The following PSME4 variants were observed in gnomAD, a reference collection of about 807,000 sequenced individuals.
The protein encoded by PSME4 is proteasome activator subunit 4.
Under a neutral mutation model 253.9 loss-of-function variants are expected in PSME4, and 89 were observed. The observed-to-expected ratio is 0.35, with a 90% CI of 0.30 to 0.42. PSME4 has a LOEUF of 0.42. PSME4 is among the 10% of genes least tolerant of loss of function. The probability of loss-of-function intolerance (pLI) is 1.00; values close to 1 mark genes in which losing one functional copy is unlikely to be tolerated. For missense variants in PSME4, 2,014 were observed against 2,195.2 expected (o/e 0.92, Z 1.65); for synonymous variants, 851 against 759.2 (o/e 1.12, Z -1.99).
chr2:53,904,859 G>A (rs1399045157), intron 26 of PSME4, among the ~76,000 whole-genome samples: 5 of 151,328 alleles, frequency 3.3e-5, no homozygotes, highest in African/African-American at 7.3e-5. Context: ...ATGGTGGTGC[G>A]TGCCTGTAGT....
chr2:53,969,085 G>A (rs533234690), intron 1 of PSME4, among the ~76,000 whole-genome samples: 8 of 152,174 alleles, frequency 5.3e-5, no homozygotes, highest in Non-Finnish European at 7.3e-5. Context: ...CTGTGCCTGA[G>A]CAACACAAAA....
chr2:53,958,004 A>T (rs805335), intron 1 of PSME4, among the ~76,000 whole-genome samples: 1 of 151,630 alleles, frequency 6.6e-6, no homozygotes, highest in Non-Finnish European at 1.5e-5. Context: ...TGACCAACAC[A>T]GAGAAACCCT....
intron 41 of PSME4, among the ~76,000 whole-genome samples, chr2:53,883,742 ACTT>A (rs1180786955): frequency 1.4e-5 from 2 of 141,694 alleles, no homozygotes; most frequent in Non-Finnish European, 3.1e-5. Flanking sequence ...CAATTCTTAT[ACTT>A]CTTTTTTTTT....
At chr2:53,912,089 T>C (rs961848076) in intron 20 of PSME4, among the ~76,000 whole-genome samples, 12 of 152,348 alleles carry the variant, frequency 7.9e-5, no homozygotes, top group African/African-American at 2.9e-4. Flanking sequence ...TGGATTAAAA[T>C]ACAGCTTCCA....
intron 1 of PSME4, among the ~76,000 whole-genome samples, chr2:53,960,841 C>G (rs1183233907): frequency 6.6e-6 from 1 of 152,182 alleles, no homozygotes; most frequent in Admixed American, 6.6e-5. Flanking sequence ...GGCGCGGTGG[C>G]TCATACCTGT....
rs1558413470 is a variant in PSME4, at chr2:53,940,938, TAAATATATATATAC to T, written c.501-952_501-939del. 1.7e-3 allele frequency among the ~76,000 whole-genome samples: 101 copies of T among 59,350 alleles called. 6 individuals are homozygous for T. The highest frequency in any genetic ancestry group is 2.2e-3 in the Non-Finnish European group (78 of 35,266). The allele number at this position is 59,350 out of a possible 152,430, so 38.9% of individuals were successfully genotyped here. ...TTTAAATATATATATAATACATATATAAATATATATATACATATATATATATATATATATATATA... is the reference window on the plus strand; with the variant it reads ...TTTAAATATATATATAATACATATATATATATATATATATATATATATATA... On this transcript the variant is annotated intron_variant, in intron 3 of 46. Coordinates refer to ENST00000404125, the MANE Select transcript of PSME4 (RefSeq NM_014614.3).
chr2:53,949,448 CTTTTTT>C (rs77741355), intron 1 of PSME4, among the ~76,000 whole-genome samples, 165 bp from the exon 2 acceptor site: 9 of 139,392 alleles, frequency 6.5e-5, no homozygotes, highest in African/African-American at 2.1e-4. Flanking sequence ...GGATTATTGT[CTTTTTT>C]TTTTTTTTTT....
intron 6 of PSME4, 34 bp from the exon 7 acceptor site, chr2:53,936,195 T>A: frequency 6.2e-7 from 1 of 1,611,374 alleles, no homozygotes; most frequent in Non-Finnish European, 8.5e-7. Flanking sequence ...AGTTAATATA[T>A]TTGTTGTTAT....
intron 38 of PSME4, chr2:53,888,244 A>C (rs1461387603): frequency 3.3e-6 from 1 of 304,248 alleles, no homozygotes; most frequent in Non-Finnish European, 6.0e-6. Flanking sequence ...TCACTGACTA[A>C]TATTTAAACA....
chr2:53,912,746 A>G (rs1667881554), intron 20 of PSME4, among the ~76,000 whole-genome samples: 1 of 152,208 alleles, frequency 6.6e-6, no homozygotes, highest in Non-Finnish European at 1.5e-5. Flanking sequence ...GATTACAGGC[A>G]TGAGCCATAG....
In PSME4 at chr2:53,925,524, C is replaced by A; in HGVS notation, c.1809+15G>T. 1 of 1,488,592 alleles carries A rather than the reference C, an allele frequency of 6.7e-7. No individual in the cohort carries two copies. The highest frequency in any genetic ancestry group is 9.0e-7 in the Non-Finnish European group (1 of 1,107,042). The allele number at this position is 1,488,592 out of a possible 1,614,324, so 92.2% of individuals were successfully genotyped here. ...TTAAAAGCTGGAAGTTTATTTTTTG[C>A]AGCAATGTTCTTACCATAAATATTT... is the stretch of plus-strand genomic sequence containing the variant. On this transcript the variant is annotated intron_variant, in intron 14 of 46. Transcript: ENST00000404125.
rs767514842 is a variant in PSME4, at chr2:53,928,204, T to C, written c.1416A>G (p.Arg472=). 1 of 1,614,110 alleles carries C rather than the reference T, an allele frequency of 6.2e-7. No homozygotes were observed. The highest frequency in any genetic ancestry group is 8.5e-7 in the Non-Finnish European group (1 of 1,179,970). ...GVARSLVSGG[R]WFPEGPTHML... ...TATGTGTAGGACCTTCAGGAAACCA[T>C]CTGCCTCCTGATACCAAACTGCGGG... The change falls in exon 11 of 47, where the codon AGA becomes AGG. Residue 472 remains arginine (R), a synonymous_variant. Transcript: ENST00000404125.
At chr2:53,934,530 G>A (rs1038011783) in intron 8 of PSME4, 75 bp downstream of exon 8, 34 of 1,451,856 alleles carry the variant, frequency 2.3e-5, no homozygotes, top group African/African-American at 1.8e-4. Context: ...CAACTTCTGC[G>A]ACTATCCACA....
At position 53,893,764 on chromosome 2, in the gene PSME4, A is replaced by T. The variant is rs766727573; in HGVS notation, c.3948T>A (p.Pro1316=). ...EQIIFDHFSD[P]KFVEQLITFL... Reference sequence around the variant, plus strand: ...AAGTAATTAACTGCTCAACAAATTTAGGATCAGAAAAATGATCAAATATAA... The same window carrying T: ...AAGTAATTAACTGCTCAACAAATTTTGGATCAGAAAAATGATCAAATATAA... The change falls in exon 35 of 47, where the codon CCT becomes CCA. Residue 1316 remains proline (P), a synonymous_variant. Coordinates refer to ENST00000404125, the MANE Select transcript of PSME4 (RefSeq NM_014614.3). The T allele has an allele frequency of 1.1e-5, 17 of 1,610,516 alleles. No homozygotes were observed. Among genetic ancestry groups the T allele is most frequent in the Non-Finnish European group, 1.4e-5 (16 of 1,178,150 alleles).
chr2:53,885,387 GCTTTT>G (rs1462618174), intron 41 of PSME4, among the ~76,000 whole-genome samples: 2 of 152,122 alleles, frequency 1.3e-5, no homozygotes, highest in Non-Finnish European at 2.9e-5. Context: ...TTTCTTTGTA[GCTTTT>G]CTTTTAACTG....
chr2:53,876,952 G>A (rs1679161098), intron 41 of PSME4, among the ~76,000 whole-genome samples: 1 of 151,456 alleles, frequency 6.6e-6, no homozygotes, highest in Non-Finnish European at 1.5e-5. Flanking sequence ...CAAACTCCTG[G>A]GCTTGAGCAA....
intron 41 of PSME4, among the ~76,000 whole-genome samples, chr2:53,877,459 A>G (rs1679189603): frequency 6.6e-6 from 1 of 152,118 alleles, no homozygotes. Flanking sequence ...TCTATCAAAT[A>G]CTGGACAAAC....
intron 20 of PSME4, among the ~76,000 whole-genome samples, chr2:53,916,000 G>A (rs1014861690): frequency 3.9e-5 from 6 of 152,044 alleles, no homozygotes; most frequent in South Asian, 4.1e-4. Context: ...GCTTGAACCC[G>A]GAAGGCAGAG....
In PSME4 at chr2:53,949,241, A is replaced by G; in HGVS notation, c.285T>C (p.His95=). The change falls in exon 2 of 47, where the codon CAT becomes CAC. Residue 95 remains histidine, a synonymous_variant. Coordinates refer to ENST00000404125, the MANE Select transcript of PSME4 (RefSeq NM_014614.3). ...LYGRKFSKED[H]VLFIKLLYEL... ...CATACAATAACTTAATAAAAAGAAC[A>G]TGATCTTCTTTGCTAAATTTTCTCC... The G allele has an allele frequency of 1.9e-6, 3 of 1,608,614 alleles. No homozygotes were observed. Among genetic ancestry groups the G allele is most frequent in the Non-Finnish European group, 1.7e-6 (2 of 1,177,516 alleles).
Sources: gnomAD v4.1 joint callset for allele counts (sites outside exome capture counted in the v4.1 genomes callset) on GRCh38, gnomAD v4.1.1 for gene constraint, MANE v1.5 for transcripts, NCBI Gene and HGNC (gene_info 2026-07-23, HGNC 2026-07-21) for gene names.